The following PXDNL variants were observed in gnomAD, a reference collection of about 807,000 sequenced individuals.
PXDNL encodes the protein peroxidasin like.
Under a neutral mutation model 150.8 loss-of-function variants are expected in PXDNL, and 145 were observed. The ratio of observed to expected loss-of-function variants is 0.96; its 90% CI spans 0.84 to 1.10. PXDNL has a LOEUF of 1.10. Among genes scored for constraint, PXDNL ranks in the 50% least tolerant of loss-of-function variants. The probability of loss-of-function intolerance (pLI) is 0.00; values close to 1 mark genes in which losing one functional copy is unlikely to be tolerated. For missense variants in PXDNL, 2,087 were observed against 1,873.9 expected, an observed-to-expected ratio of 1.11 and a Z score of -2.10; for synonymous variants, 757 against 725.7, an observed-to-expected ratio of 1.04 and a Z score of -0.69.
intron 17 of PXDNL, among the ~76,000 whole-genome samples, chr8:51,399,900 G>T (rs897695947): frequency 6.6e-6 from 1 of 152,142 alleles, no homozygotes; most frequent in African/African-American, 2.4e-5. Flanking sequence ...ATTTTGTATG[G>T]CATATAATGA....
At chr8:51,751,683 A>G (rs181003748) in intron 1 of PXDNL, among the ~76,000 whole-genome samples, 22 of 152,354 alleles carry the variant, frequency 1.4e-4, no homozygotes, top group Non-Finnish European at 2.9e-5. Context: ...TGAACAAACT[A>G]TAAGAAGCTG....
chr8:51,371,751 GT>G (rs1807119496), intron 19 of PXDNL, 121 bp downstream of exon 19: 2 of 906,542 alleles, frequency 2.2e-6, no homozygotes, highest in Admixed American at 4.4e-5. Context: ...CAAAAGGAAA[GT>G]TCTGTGTTGT....
chr8:51,670,107 G>A (rs1480614039), intron 1 of PXDNL, among the ~76,000 whole-genome samples: 2 of 152,080 alleles, frequency 1.3e-5, no homozygotes, highest in African/African-American at 4.8e-5. Context: ...TTGTGGTGGT[G>A]CATGCCTGTA....
chr8:51,736,249 A>G (rs1817036494), intron 1 of PXDNL, among the ~76,000 whole-genome samples: 1 of 152,242 alleles, frequency 6.6e-6, no homozygotes, highest in Non-Finnish European at 1.5e-5. Context: ...GTGAATGTGC[A>G]CTATGCCAGT....
chr8:51,575,760 A>G (rs1813037519), intron 3 of PXDNL, among the ~76,000 whole-genome samples: 1 of 152,068 alleles, frequency 6.6e-6, no homozygotes, highest in African/African-American at 2.4e-5. Context: ...AAATATGACT[A>G]GCTGTATGCT....
chr8:51,598,652 T>G (rs1022697963), intron 2 of PXDNL, among the ~76,000 whole-genome samples: 1 of 152,120 alleles, frequency 6.6e-6, no homozygotes, highest in African/African-American at 2.4e-5. Flanking sequence ...TAGTATTTTG[T>G]TGAGGAATTT....
At chr8:51,598,757 A>G (rs972602529) in intron 2 of PXDNL, among the ~76,000 whole-genome samples, 1 of 152,134 alleles carries the variant, frequency 6.6e-6, no homozygotes, top group African/African-American at 2.4e-5. Context: ...GCTTCAGAGA[A>G]TGAGTTATGG....
At chr8:51,599,314 G>C (rs538655872) in intron 2 of PXDNL, among the ~76,000 whole-genome samples, 3 of 151,792 alleles carry the variant, frequency 2.0e-5, no homozygotes, top group African/African-American at 7.2e-5. Flanking sequence ...CATTTTTCCA[G>C]GTGTGATATC....
At chr8:51,327,851 G>A (rs1805563258) in intron 21 of PXDNL, among the ~76,000 whole-genome samples, 1 of 152,154 alleles carries the variant, frequency 6.6e-6, no homozygotes. Context: ...AAGGTTGAAG[G>A]GCAAACCACT....
chr8:51,719,332 T>C lies in PXDNL; in HGVS notation c.165-64572A>G, dbSNP rs1425660279. 4.6e-5 allele frequency among the ~76,000 whole-genome samples: 7 copies of C among 151,922 alleles called. 1 individual carries two copies. The highest frequency in any genetic ancestry group is 1.4e-4 in the African/African-American group (6 of 41,396). On this transcript the variant is annotated intron_variant, in intron 1 of 22. Coordinates refer to ENST00000356297, the MANE Select transcript of PXDNL (RefSeq NM_144651.5). The stretch of plus-strand genomic sequence containing the variant: ...TCTGCCTTGGGATGCTGTTGATCTA[T>C]GACCTTACCCCCAACCTGGTGCTCT...
chr8:51,501,494 G>A (rs1024919097), intron 4 of PXDNL, among the ~76,000 whole-genome samples: 1 of 148,426 alleles, frequency 6.7e-6, no homozygotes, highest in African/African-American at 2.5e-5. Context: ...ACACACACAC[G>A]GACACTCGTG....
chr8:51,391,600 T>A (rs1193703010), intron 17 of PXDNL, among the ~76,000 whole-genome samples: 1 of 152,208 alleles, frequency 6.6e-6, no homozygotes, highest in Non-Finnish European at 1.5e-5. Flanking sequence ...TTTGTTTTTT[T>A]CTTGTAAATT....
chr8:51,483,640 T>C lies in PXDNL; in HGVS notation c.524+3A>G, dbSNP rs1810655021. On this transcript the variant is annotated splice_donor_region_variant and intron_variant, in intron 6 of 22. Transcript: ENST00000356297. ...TTGTGTTAATGCACTTGCTTTCACT[T>C]ACAATCTTTTTAATGAATCCAGATT... The C allele has an allele frequency of 6.7e-7, 1 of 1,502,516 alleles. No individual in the cohort carries two copies. Among genetic ancestry groups the C allele is most frequent in the Admixed American group, 2.0e-5 (1 of 49,800 alleles). The allele number at this position is 1,502,516 out of a possible 1,614,324, so 93.1% of individuals were successfully genotyped here.
chr8:51,685,380 C>A (rs1301379948), intron 1 of PXDNL, among the ~76,000 whole-genome samples: 1 of 152,172 alleles, frequency 6.6e-6, no homozygotes, highest in East Asian at 1.9e-4. Context: ...AATGCCAGTT[C>A]ATGTTCCCCA....
intron 3 of PXDNL, among the ~76,000 whole-genome samples, chr8:51,587,357 A>G (rs1813347079): frequency 6.6e-6 from 1 of 152,170 alleles, no homozygotes; most frequent in Non-Finnish European, 1.5e-5. Flanking sequence ...TAAATGAATC[A>G]CTATATCCAA....
At chr8:51,535,135 A>G (rs1812039116) in intron 4 of PXDNL, among the ~76,000 whole-genome samples, 1 of 128,746 alleles carries the variant, frequency 7.8e-6, no homozygotes, top group Non-Finnish European at 1.6e-5. Context: ...CCCATCCGGG[A>G]GGTGAGGGGC....
At chr8:51,554,745 G>T (rs902252668) in intron 4 of PXDNL, among the ~76,000 whole-genome samples, 1 of 152,074 alleles carries the variant, frequency 6.6e-6, no homozygotes, top group Non-Finnish European at 1.5e-5. Flanking sequence ...CCATTACCTT[G>T]TTCCTCATTT....
At chr8:51,376,909 G>A (rs1447913943) in intron 17 of PXDNL, among the ~76,000 whole-genome samples, 1 of 151,834 alleles carries the variant, frequency 6.6e-6, no homozygotes, top group Non-Finnish European at 1.5e-5. Flanking sequence ...TAGTAGAGAC[G>A]GGGTTTCACC....
chr8:51,541,442 AG>A (rs1486439511), intron 4 of PXDNL, among the ~76,000 whole-genome samples: 1 of 152,160 alleles, frequency 6.6e-6, no homozygotes, highest in African/African-American at 2.4e-5. Context: ...CTATGCAGCA[AG>A]GTCTTTCCAC....
Sources: gnomAD v4.1 joint callset for allele counts (sites outside exome capture counted in the v4.1 genomes callset) on GRCh38, gnomAD v4.1.1 for gene constraint, MANE v1.5 for transcripts, NCBI Gene and HGNC (gene_info 2026-07-23, HGNC 2026-07-21) for gene names.